The following CHRM3 variants were observed in gnomAD, a reference collection of about 807,000 sequenced individuals.
CHRM3 encodes muscarinic acetylcholine receptor M3.
A neutral mutation model predicts 41.8 loss-of-function variants in CHRM3; 11 were observed. The observed-to-expected ratio is 0.26, with a 90% confidence interval of 0.17 to 0.44. The LOEUF (loss-of-function observed/expected upper bound fraction) is 0.44. Among genes scored for constraint, CHRM3 ranks in the 20% least tolerant of loss-of-function variants. The probability of loss-of-function intolerance (pLI) is 1.00; values close to 1 mark genes in which losing one functional copy is unlikely to be tolerated. For synonymous variants in CHRM3, 297 were observed against 301.4 expected (o/e 0.99, Z 0.15); for missense variants, 571 against 745.4 (o/e 0.77, Z 2.72).
intron 5 of CHRM3, among the ~76,000 whole-genome samples, chr1:239,799,416 G>A (rs1053213135): frequency 6.6e-6 from 1 of 152,136 alleles, no homozygotes; most frequent in African/African-American, 2.4e-5. Flanking sequence ...TCACTTCTCA[G>A]GGGCAGGATC....
chr1:239,391,996 C>T (rs1659075781), intron 1 of CHRM3, among the ~76,000 whole-genome samples: 1 of 152,152 alleles, frequency 6.6e-6, no homozygotes, highest in Non-Finnish European at 1.5e-5. Context: ...TAACTCCTGT[C>T]ATATTTACCA....
chr1:239,707,513 T>C (rs1215784157), intron 5 of CHRM3: 1 of 152,184 alleles, frequency 6.6e-6, no homozygotes, highest in Non-Finnish European at 1.5e-5. Context: ...GAATAAAATA[T>C]ACACTTTCAT....
At chr1:239,574,337 T>A (rs1335434645) in intron 3 of CHRM3, among the ~76,000 whole-genome samples, 1 of 152,102 alleles carries the variant, frequency 6.6e-6, no homozygotes, top group African/African-American at 2.4e-5. Flanking sequence ...CCTCTCCTTC[T>A]TTCTGTCTTC....
intron 2 of CHRM3, among the ~76,000 whole-genome samples, chr1:239,513,093 C>T (rs977241441): frequency 3.9e-5 from 6 of 152,118 alleles, no homozygotes; most frequent in South Asian, 2.1e-4. Context: ...TTTTGCAAGT[C>T]GGTATTGGTA....
chr1:239,456,901 C>T (rs1381074213), intron 1 of CHRM3, among the ~76,000 whole-genome samples: 2 of 152,188 alleles, frequency 1.3e-5, no homozygotes, highest in African/African-American at 4.8e-5. Flanking sequence ...ACTAAACATA[C>T]CTTTCTTCCA....
chr1:239,742,869 C>T (rs1271618773), intron 5 of CHRM3, among the ~76,000 whole-genome samples: 2 of 152,160 alleles, frequency 1.3e-5, no homozygotes, highest in Admixed American at 6.5e-5. Context: ...AATGAAACCA[C>T]AAAAATATTT....
chr1:239,897,748 A>G (rs919897756), intron 6 of CHRM3, among the ~76,000 whole-genome samples: 2 of 152,176 alleles, frequency 1.3e-5, no homozygotes, highest in African/African-American at 2.4e-5. Flanking sequence ...ACTTCGTGCC[A>G]TTTCTTTAGA....
Position 239,907,551 on chromosome 1 carries a change from G to T in CHRM3, c.100G>T (p.Val34Phe). ...CGATGCAGGGCTGCCCCCGGGAACCGTCACTCATTTCGGCAGCTACAATGT... is the reference window on the plus strand; with the variant it reads ...CGATGCAGGGCTGCCCCCGGGAACCTTCACTCATTTCGGCAGCTACAATGT... Reference protein sequence around the residue: ...PSDAGLPPGTVTHFGSYNVSR... With the variant: ...PSDAGLPPGTFTHFGSYNVSR... Residue 34 changes from valine to phenylalanine, a missense_variant, in exon 7 of 7, where the codon GTC (valine) becomes TTC (phenylalanine). Coordinates refer to ENST00000676153, the MANE Select transcript of CHRM3 (RefSeq NM_001375978.1). The surrounding 1 kb of genome is among the most constrained non-coding windows in gnomAD (Gnocchi z 5.4). 1 of 1,614,098 alleles carries T rather than the reference G, an allele frequency of 6.2e-7. No homozygotes were observed. Among genetic ancestry groups the T allele is most frequent in the South Asian group, 1.1e-5 (1 of 91,078 alleles).
At chr1:239,768,503 G>GC (rs56930927) in intron 5 of CHRM3, among the ~76,000 whole-genome samples, 2 of 151,952 alleles carry the variant, frequency 1.3e-5, no homozygotes, top group Non-Finnish European at 2.9e-5. Context: ...TAAACATGGT[G>GC]AAAATTAAAT....
intron 3 of CHRM3, among the ~76,000 whole-genome samples, chr1:239,586,009 T>G (rs1479517532): frequency 6.6e-6 from 1 of 152,202 alleles, no homozygotes; most frequent in Non-Finnish European, 1.5e-5. Flanking sequence ...TAAATCATAA[T>G]GCAGATCTTG....
At chr1:239,400,015 G>A (rs1360643222) in intron 1 of CHRM3, among the ~76,000 whole-genome samples, 7 of 152,132 alleles carry the variant, frequency 4.6e-5, no homozygotes, top group Middle Eastern at 3.4e-3. Flanking sequence ...TGGTTCAAGC[G>A]ATTCTCCTGC....
At chr1:239,852,707 A>G (rs757280710) in intron 6 of CHRM3, among the ~76,000 whole-genome samples, 17 of 150,566 alleles carry the variant, frequency 1.1e-4, no homozygotes, top group Non-Finnish European at 2.2e-4. Flanking sequence ...TTTTAACGTT[A>G]GTCTTCAGAC....
chr1:239,775,507 T>A (rs1039190998), intron 5 of CHRM3, among the ~76,000 whole-genome samples: 3 of 152,240 alleles, frequency 2.0e-5, no homozygotes, highest in African/African-American at 7.2e-5. Flanking sequence ...AAACGGAAAG[T>A]ACAATTCAGC....
At chr1:239,783,475 AT>A (rs1444392690) in intron 5 of CHRM3, among the ~76,000 whole-genome samples, 1 of 152,160 alleles carries the variant, frequency 6.6e-6, no homozygotes, top group East Asian at 1.9e-4. Context: ...GAATAAGAGT[AT>A]ATGCAGGATT....
At chr1:239,866,827 C>T (rs1389406568) in intron 6 of CHRM3, among the ~76,000 whole-genome samples, 1 of 152,136 alleles carries the variant, frequency 6.6e-6, no homozygotes, top group Non-Finnish European at 1.5e-5. Context: ...ATTTATTATG[C>T]ACCTGGGATT....
At chr1:239,766,226 T>C (rs1013622576) in intron 5 of CHRM3, among the ~76,000 whole-genome samples, 1 of 152,070 alleles carries the variant, frequency 6.6e-6, no homozygotes, top group South Asian at 2.1e-4. Context: ...AAATGTAGGA[T>C]TACCATACAT....
At chr1:239,701,901 G>A (rs1046951533) in intron 5 of CHRM3, among the ~76,000 whole-genome samples, 4 of 151,946 alleles carry the variant, frequency 2.6e-5, no homozygotes, top group African/African-American at 9.7e-5. Flanking sequence ...CTCTTTAAAG[G>A]CCAGATTTCA....
intron 4 of CHRM3, among the ~76,000 whole-genome samples, chr1:239,660,527 A>G (rs1435471272): frequency 3.9e-5 from 6 of 152,124 alleles, no homozygotes; most frequent in Admixed American, 3.9e-4. Context: ...ATCTTATTGA[A>G]CACTTACTAT....
intron 6 of CHRM3, among the ~76,000 whole-genome samples, chr1:239,877,348 G>A (rs1677188998): frequency 6.6e-6 from 1 of 152,074 alleles, no homozygotes; most frequent in Non-Finnish European, 1.5e-5. Flanking sequence ...TAGGGAGGCT[G>A]AGGCAGGTGG....
Sources: gnomAD v4.1 joint callset for allele counts (sites outside exome capture counted in the v4.1 genomes callset) on GRCh38, gnomAD v4.1.1 for gene constraint, Gnocchi (gnomAD v3.1) non-coding constraint, MANE v1.5 for transcripts, NCBI Gene and HGNC (gene_info 2026-07-23, HGNC 2026-07-21) for gene names.